The following TIMM23B variants were observed in gnomAD, a reference collection of about 807,000 sequenced individuals.
The protein encoded by TIMM23B is translocase of inner mitochondrial membrane 23 homolog B, also known as mitochondrial import inner membrane translocase subunit Tim23B.
In TIMM23B, 27 loss-of-function variants were observed where a neutral mutation model predicts 27.3. The observed-to-expected ratio is 0.99, with a 90% CI of 0.73 to 1.36. The LOEUF (loss-of-function observed/expected upper bound fraction) is 1.36, where lower values mean the gene tolerates loss of function less well. TIMM23B is among the 40% of genes most tolerant of loss of function. The pLI, the probability that TIMM23B is intolerant of heterozygous loss-of-function variation, is 0.00. For synonymous variants in TIMM23B, 73 were observed against 92.4 expected (o/e 0.79, Z 1.21); for missense variants, 205 against 244.2 (o/e 0.84, Z 1.07).
chr10:49,957,442 G>T (rs1404665111), intron 5 of TIMM23B, among the ~76,000 whole-genome samples: 4 of 151,824 alleles, frequency 2.6e-5, no homozygotes, highest in African/African-American at 7.3e-5. Flanking sequence ...TTTGGAGAAG[G>T]GGGTATCCCT....
At chr10:49,948,412 A>G (rs1839420123) in intron 2 of TIMM23B, among the ~76,000 whole-genome samples, 1 of 152,186 alleles carries the variant, frequency 6.6e-6, no homozygotes, top group Admixed American at 6.5e-5. Context: ...CATAAGTTGT[A>G]AATGAATGTT....
intron 5 of TIMM23B, among the ~76,000 whole-genome samples, chr10:49,956,463 G>GTGTGTGTGTGTA (rs1839729450): frequency 1.6e-5 from 2 of 123,978 alleles, no homozygotes; most frequent in African/African-American, 5.3e-5. Context: ...GTGTGTGTGT[G>GTGTGTGTGTGTA]TGTGTGTATG....
At chr10:49,967,727 T>TA (rs1419570464) in intron 6 of TIMM23B, among the ~76,000 whole-genome samples, 2 of 152,144 alleles carry the variant, frequency 1.3e-5, no homozygotes, top group Non-Finnish European at 2.9e-5. Flanking sequence ...CACAGAAAGT[T>TA]AGACTCTCAT....
chr10:49,953,620 A>G (rs1319160803), intron 4 of TIMM23B, among the ~76,000 whole-genome samples: 2 of 152,168 alleles, frequency 1.3e-5, no homozygotes, highest in Non-Finnish European at 2.9e-5. Context: ...TGCTGGGATT[A>G]CAGACATGAG....
intron 2 of TIMM23B, among the ~76,000 whole-genome samples, chr10:49,950,674 TG>T (rs1839499398): frequency 6.6e-6 from 1 of 151,904 alleles, no homozygotes; most frequent in Non-Finnish European, 1.5e-5. Flanking sequence ...CCCAAGTAGC[TG>T]GGACTACAGG....
At chr10:49,959,225 T>C (rs1292245678) in intron 6 of TIMM23B, among the ~76,000 whole-genome samples, 2 of 152,350 alleles carry the variant, frequency 1.3e-5, no homozygotes, top group Non-Finnish European at 2.9e-5. Context: ...GTTTTTTTAA[T>C]CTTGGACAGA....
intron 4 of TIMM23B, chr10:49,954,364 T>G (rs1231257741): frequency 1.2e-5 from 5 of 434,246 alleles, no homozygotes; most frequent in Non-Finnish European, 1.8e-5. Context: ...TCCTTGAGAG[T>G]GTGCTGAGCA....
chr10:49,969,891 C>G (rs1360378901), intron 6 of TIMM23B, among the ~76,000 whole-genome samples: 2 of 152,124 alleles, frequency 1.3e-5, no homozygotes, highest in Non-Finnish European at 2.9e-5. Context: ...ACCCTCCCTG[C>G]CTGATTCTCC....
intron 6 of TIMM23B, among the ~76,000 whole-genome samples, chr10:49,967,386 G>GTA (rs1840210976): frequency 6.6e-6 from 1 of 152,150 alleles, no homozygotes; most frequent in Non-Finnish European, 1.5e-5. Flanking sequence ...AGTTATATTT[G>GTA]TATTCCCACC....
intron 6 of TIMM23B, among the ~76,000 whole-genome samples, chr10:49,965,138 TGTACCCAGGAG>T (rs1223648383): frequency 3.3e-5 from 5 of 151,780 alleles, no homozygotes; most frequent in Non-Finnish European, 7.4e-5. Flanking sequence ...GAGAATCGCT[TGTACCCAGGAG>T]GTAGAGGTTG....
chr10:49,961,107 G>T (rs1218530628), intron 6 of TIMM23B, among the ~76,000 whole-genome samples: 1 of 152,044 alleles, frequency 6.6e-6, no homozygotes, highest in Non-Finnish European at 1.5e-5. Flanking sequence ...GGTCAGCTGG[G>T]CACGGTGGCT....
chr10:49,961,646 C>T (rs1444081111), intron 6 of TIMM23B, among the ~76,000 whole-genome samples: 55 of 151,996 alleles, frequency 3.6e-4, no homozygotes, highest in African/African-American at 1.3e-3. Flanking sequence ...GTCACCCAGG[C>T]TAAAGTGCAG....
At chr10:49,954,409 G>C in intron 4 of TIMM23B, 1 of 317,712 alleles carries the variant, frequency 3.1e-6, no homozygotes, top group Non-Finnish European at 6.2e-6. Context: ...TCTGGGAGCA[G>C]ACACAGGGTG....
intron 3 of TIMM23B, 34 bp from the exon 4 acceptor site, chr10:49,952,415 T>C: frequency 5.0e-6 from 8 of 1,602,362 alleles, no homozygotes; most frequent in Non-Finnish European, 6.8e-6. Context: ...AATATAAAGC[T>C]GTCTTATCTG....
chr10:49,959,818 G>A (rs1159581575), intron 6 of TIMM23B, among the ~76,000 whole-genome samples: 18 of 151,070 alleles, frequency 1.2e-4, no homozygotes, highest in African/African-American at 3.6e-4. Flanking sequence ...GCATGATCTC[G>A]GCTCACTGCA....
intron 6 of TIMM23B, among the ~76,000 whole-genome samples, chr10:49,958,972 T>G (rs1176211445): frequency 2.6e-5 from 4 of 152,260 alleles, no homozygotes; most frequent in Admixed American, 2.6e-4. Flanking sequence ...ATTCATTCTG[T>G]GTATGTGTAC....
At chr10:49,966,425 A>T (rs1443175752) in intron 6 of TIMM23B, among the ~76,000 whole-genome samples, 1 of 148,750 alleles carries the variant, frequency 6.7e-6, no homozygotes, top group East Asian at 2.0e-4. Flanking sequence ...GGGTGCAATG[A>T]AATGAAGAAA....
At chr10:49,950,518 CTTTT>C (rs1222407465) in intron 2 of TIMM23B, among the ~76,000 whole-genome samples, 1 of 128,046 alleles carries the variant, frequency 7.8e-6, no homozygotes, top group Non-Finnish European at 1.7e-5. Flanking sequence ...TCATCACAGC[CTTTT>C]TTTTTTTTTT....
At chr10:49,954,773 A>G (rs1374056989) in intron 4 of TIMM23B, among the ~76,000 whole-genome samples, 2 of 149,678 alleles carry the variant, frequency 1.3e-5, no homozygotes, top group East Asian at 1.9e-4. Flanking sequence ...AAGGACTTAT[A>G]TAAAAGTCCT....
Sources: gnomAD v4.1 joint callset for allele counts (sites outside exome capture counted in the v4.1 genomes callset) on GRCh38, gnomAD v4.1.1 for gene constraint, MANE v1.5 for transcripts, NCBI Gene and HGNC (gene_info 2026-07-23, HGNC 2026-07-21) for gene names.